ASB4: variants seen among roughly 807,000 people sequenced by gnomAD.
The protein encoded by ASB4 is ankyrin repeat and SOCS box protein 4.
In ASB4, 35 loss-of-function variants were observed where a neutral mutation model predicts 38.6. The observed-to-expected ratio is 0.91, with a 90% CI of 0.69 to 1.20. The LOEUF (loss-of-function observed/expected upper bound fraction) is 1.20, where lower values mean the gene tolerates loss of function less well. ASB4 is among the 50% of genes most tolerant of loss of function. The probability of loss-of-function intolerance (pLI) is 0.00; values close to 1 mark genes in which losing one functional copy is unlikely to be tolerated. For missense variants in ASB4, 557 were observed against 527.2 expected (o/e 1.06, Z -0.55); for synonymous variants, 195 against 201.3 (o/e 0.97, Z 0.26).
chr7:95,515,060 T>G (rs1188752457), intron 2 of ASB4, among the ~76,000 whole-genome samples: 3 of 152,208 alleles, frequency 2.0e-5, no homozygotes, highest in Admixed American at 6.5e-5. Flanking sequence ...CTCCACACAC[T>G]GTGTTAGCAG....
intron 2 of ASB4, among the ~76,000 whole-genome samples, chr7:95,510,066 A>G (rs547729514): frequency 3.9e-5 from 6 of 152,356 alleles, no homozygotes; most frequent in African/African-American, 1.4e-4. Flanking sequence ...CTTAAATGCT[A>G]TATCAGAATC....
chr7:95,496,162 C>A, intron 2 of ASB4, 105 bp downstream of exon 2: 5 of 1,072,254 alleles, frequency 4.7e-6, no homozygotes, highest in South Asian at 4.5e-5. Flanking sequence ...CATAAAGATG[C>A]AATTATGCCT....
At chr7:95,540,882 C>T (rs1455282044), downstream of ASB4, among the ~76,000 whole-genome samples, 11 of 152,276 alleles carry the variant, frequency 7.2e-5, no homozygotes, top group East Asian at 1.9e-3. Context: ...AGAAAAGTAA[C>T]AAACCATTTG....
chr7:95,484,188 A>G (rs1322147128), upstream of ASB4, among the ~76,000 whole-genome samples: 1 of 152,064 alleles, frequency 6.6e-6, no homozygotes, highest in Non-Finnish European at 1.5e-5. Context: ...AAATTTAGCC[A>G]GATGTGCTGG....
intron 3 of ASB4, chr7:95,528,765 T>G: frequency 1.1e-6 from 1 of 890,132 alleles, no homozygotes; most frequent in Non-Finnish European, 1.4e-6. Flanking sequence ...AAAATTATAT[T>G]TATTATGTAT....
chr7:95,514,943 A>G (rs996233076), intron 2 of ASB4, among the ~76,000 whole-genome samples: 4 of 152,150 alleles, frequency 2.6e-5, no homozygotes, highest in Non-Finnish European at 5.9e-5. Context: ...TCTTCAATTC[A>G]CCTAAGGGGC....
At chr7:95,504,081 C>T (rs1790375808) in intron 2 of ASB4, among the ~76,000 whole-genome samples, 1 of 152,144 alleles carries the variant, frequency 6.6e-6, no homozygotes, top group Admixed American at 6.6e-5. Flanking sequence ...TCCTGCATTT[C>T]CCTATGAATA....
In ASB4 at chr7:95,496,150, A is replaced by G. The variant is rs114951738; in HGVS notation, c.487+93A>G. ...CCTACCTACCCCAGATGATGTAGTAAGCATAAAGATGCAATTATGCCTAGT... is the reference window on the plus strand; with the variant it reads ...CCTACCTACCCCAGATGATGTAGTAGGCATAAAGATGCAATTATGCCTAGT... On this transcript the variant is annotated intron_variant, in intron 2 of 4. Coordinates refer to ENST00000325885, the MANE Select transcript of ASB4 (RefSeq NM_016116.3). 1,587 of 1,239,460 alleles carry G rather than the reference A, an allele frequency of 1.3e-3. 19 individuals are homozygous for G. In the African/African-American group the frequency reaches 0.019, roughly 15 times the overall value. The allele number at this position is 1,239,460 out of a possible 1,614,324, so 76.8% of individuals were successfully genotyped here. A position where few individuals can be genotyped will look rare whatever the true frequency, so the allele number is the denominator to read the frequency against.
At position 95,528,353 on chromosome 7, in the gene ASB4, C is replaced by T. The variant is rs144643453; in HGVS notation, c.978+50C>T. 2.1e-4 allele frequency: 335 copies of T among 1,609,762 alleles called. 3 individuals carry two copies. The East Asian group carries it at 7.4e-3, about 36-fold the overall frequency. ...AGGTTGAGGAAGATTCAAATGGCAG[C>T]CTTGTCTGAAATCTCCAAGTAACTC... On this transcript the variant is annotated intron_variant, in intron 3 of 4. Coordinates refer to ENST00000325885, the MANE Select transcript of ASB4 (RefSeq NM_016116.3).
intron 3 of ASB4, among the ~76,000 whole-genome samples, chr7:95,533,849 AATGGTAGCTATT>A (rs1240842998): frequency 3.3e-5 from 5 of 152,180 alleles, no homozygotes; most frequent in Non-Finnish European, 2.9e-5. Context: ...GTCCTCGAAA[AATGGTAGCTATT>A]ATTTTCCCTT....
intron 1 of ASB4, among the ~76,000 whole-genome samples, chr7:95,495,464 GCCTTCAAGA>G (rs1260618531): frequency 1.3e-5 from 2 of 152,110 alleles, no homozygotes; most frequent in Admixed American, 6.6e-5. Context: ...AAACTTAAAT[GCCTTCAAGA>G]CCTAGAAAGG....
In ASB4 at chr7:95,537,798, G is replaced by C; in HGVS notation, c.*39G>C. On this transcript the variant is annotated 3_prime_UTR_variant, in exon 5 of 5. Transcript: ENST00000325885. Reference sequence around the variant, plus strand: ...GCAGTTCCCAATCCTAGGTATTTAAGTGGACTTGCTGGGTAGACACAGTTT... The same window carrying C: ...GCAGTTCCCAATCCTAGGTATTTAACTGGACTTGCTGGGTAGACACAGTTT... 1 of 1,568,812 alleles carries C rather than the reference G, an allele frequency of 6.4e-7. No individual in the cohort carries two copies. The highest frequency in any genetic ancestry group is 8.7e-7 in the Non-Finnish European group (1 of 1,146,982).
intron 2 of ASB4, among the ~76,000 whole-genome samples, chr7:95,525,127 A>G (rs1159843803): frequency 6.6e-6 from 1 of 152,200 alleles, no homozygotes; most frequent in Non-Finnish European, 1.5e-5. Flanking sequence ...ATAGGTCTAC[A>G]AGCCAAGAAC....
At chr7:95,545,908 C>T in the ASB4 span, among the ~76,000 whole-genome samples, 2 of 152,226 alleles carry the variant, frequency 1.3e-5, no homozygotes, top group Non-Finnish European at 2.9e-5. Context: ...TGCACTTTTG[C>T]ACATAGTCAG....
chr7:95,539,278 T>C lies in ASB4; in HGVS notation c.*1519T>C, dbSNP rs1240746143. 6.6e-6 allele frequency: 1 copy of C among 152,214 alleles called. No homozygotes were observed. The highest frequency in any genetic ancestry group is 6.5e-5 in the Admixed American group (1 of 15,280). 9.4% of individuals were successfully genotyped at this position (152,214 alleles called of 1,614,324 possible). ...GATATTCCAATAGGCTATCATTTAA[T>C]GTTAACTGGCAATCACCTAACTGGT... On this transcript the variant is annotated 3_prime_UTR_variant, in exon 5 of 5. Coordinates refer to ENST00000325885, the MANE Select transcript of ASB4 (RefSeq NM_016116.3).
chr7:95,530,180 G>T (rs560898264), intron 3 of ASB4, among the ~76,000 whole-genome samples: 2 of 151,732 alleles, frequency 1.3e-5, no homozygotes, highest in East Asian at 1.9e-4. Context: ...GATGTGGGGG[G>T]CTGGGTGCAG....
At chr7:95,531,404 C>T (rs909563756) in intron 3 of ASB4, among the ~76,000 whole-genome samples, 3 of 152,142 alleles carry the variant, frequency 2.0e-5, no homozygotes, top group Non-Finnish European at 4.4e-5. Flanking sequence ...TTCCCTCCAG[C>T]GAAAAGGATG....
At chr7:95,528,628 A>G in intron 3 of ASB4, 1 of 1,271,572 alleles carries the variant, frequency 7.9e-7, no homozygotes, top group Non-Finnish European at 9.9e-7. Flanking sequence ...AGACAGGCAT[A>G]CATTTGCCAT....
intron 2 of ASB4, among the ~76,000 whole-genome samples, chr7:95,516,658 A>AAAG (rs1219879046): frequency 6.6e-6 from 1 of 152,236 alleles, no homozygotes; most frequent in Admixed American, 6.5e-5. Context: ...AGTAGCTGTT[A>AAAG]AAGAAGAAGA....
Sources: allele counts gnomAD v4.1 joint callset (sites outside exome capture counted in the v4.1 genomes callset), GRCh38; gene constraint gnomAD v4.1.1; transcripts MANE v1.5; gene names NCBI Gene and HGNC (gene_info 2026-07-23, HGNC 2026-07-21).